NEURL2: variants seen among roughly 807,000 people sequenced by gnomAD.
NEURL2 encodes the protein neuralized-like protein 2.
In NEURL2, 16 loss-of-function variants were observed where a neutral mutation model predicts 15.9. The ratio of observed to expected loss-of-function variants is 1.01; its 90% CI spans 0.68 to 1.53. The LOEUF (loss-of-function observed/expected upper bound fraction) is 1.53. NEURL2 is among the 40% of genes most tolerant of loss of function. The probability of loss-of-function intolerance (pLI) is 0.00; values close to 1 mark genes in which losing one functional copy is unlikely to be tolerated. For synonymous variants in NEURL2, 188 were observed against 178.3 expected (o/e 1.05, Z -0.43); for missense variants, 393 against 407.8 (o/e 0.96, Z 0.31).
chr20:45,891,198 C>T lies in NEURL2; in HGVS notation c.-207G>A. The T allele has an allele frequency of 9.2e-7, 1 of 1,092,294 alleles. No homozygotes were observed. The highest frequency in any genetic ancestry group is 1.4e-6 in the Non-Finnish European group (1 of 739,228). The allele number at this position is 1,092,294 out of a possible 1,614,324, so 67.7% of individuals were successfully genotyped here. The stretch of plus-strand genomic sequence containing the variant: ...GATCATCTGATCGCGTGCGCCCGGG[C>T]TACGATCTGCGAGGCCCGCGGACCT... On this transcript the variant is annotated 5_prime_UTR_variant, in exon 1 of 2. Coordinates refer to ENST00000372518, the MANE Select transcript of NEURL2 (RefSeq NM_080749.4). This position sits in a 1 kb window ranked among gnomAD's most constrained non-coding sequence, Gnocchi z 4.6.
At chr20:45,890,188 A>G (rs1684487229) in intron 1 of NEURL2, 62 bp downstream of exon 1, 1 of 1,591,812 alleles carries the variant, frequency 6.3e-7, no homozygotes, top group Non-Finnish European at 8.6e-7. Flanking sequence ...TGGGCTACGG[A>G]GCCCTAGTAG....
chr20:45,888,697 A>G lies in NEURL2; in HGVS notation c.*61T>C. The stretch of plus-strand genomic sequence containing the variant: ...CTGGCAGCAATGTGGCCAACTTCGG[A>G]CCAGCCAGCCACAGGTCTGGGGCTC... On this transcript the variant is annotated 3_prime_UTR_variant, in exon 2 of 2. Transcript: ENST00000372518. 1 of 1,567,804 alleles carries G rather than the reference A, an allele frequency of 6.4e-7. No homozygotes were observed. Among genetic ancestry groups the G allele is most frequent in the Non-Finnish European group, 8.7e-7 (1 of 1,144,774 alleles).
Position 45,890,950 on chromosome 20 carries a change from C to A in NEURL2, c.42G>T (p.Trp14Cys). The A allele has an allele frequency of 6.6e-7, 1 of 1,513,384 alleles. No individual in the cohort carries two copies. Among genetic ancestry groups the A allele is most frequent in the African/African-American group, 1.4e-5 (1 of 72,376 alleles). The allele number at this position is 1,513,384 out of a possible 1,614,324, so 93.7% of individuals were successfully genotyped here. The stretch of plus-strand genomic sequence containing the variant: ...GAGGGGGCTCCGGGCGCTCGAGTCC[C>A]CAGAGTGCACCCGAATCCACGGGCT... ...ASEPVDSGAL[W>C]GLERPEPPPT... Residue 14 changes from tryptophan (W) to cysteine (C), a missense_variant, in exon 1 of 2, where the codon TGG (tryptophan) becomes TGT (cysteine). Trp to Cys is a radical substitution (Grantham distance 215). Transcript: ENST00000372518.
chr20:45,890,085 T>A, intron 1 of NEURL2, 165 bp downstream of exon 1: 1 of 711,920 alleles, frequency 1.4e-6, no homozygotes, highest in Non-Finnish European at 2.3e-6. Flanking sequence ...CAAAACCATG[T>A]AGAGGCTTGT....
Position 45,891,089 on chromosome 20 carries a change from T to A in NEURL2, c.-98A>T. ...GCGACCTTGTAAGGCATTTCCCCCC[T>A]GACTCCCTTCCCCGAGCCTCTGCCC... On this transcript the variant is annotated 5_prime_UTR_variant, in exon 1 of 2. Coordinates refer to ENST00000372518, the MANE Select transcript of NEURL2 (RefSeq NM_080749.4). This position sits in a 1 kb window ranked among gnomAD's most constrained non-coding sequence, Gnocchi z 4.6. 7.8e-7 allele frequency: 1 copy of A among 1,282,142 alleles called. No individual in the cohort carries two copies. The highest frequency in any genetic ancestry group is 1.1e-6 in the Non-Finnish European group (1 of 950,714). 79.4% of individuals were successfully genotyped at this position (1,282,142 alleles called of 1,614,324 possible).
At position 45,888,733 on chromosome 20, in the gene NEURL2, C is replaced by T. The variant is rs1366615996; in HGVS notation, c.*25G>A. ...ACAGGTCTGGGGCTCCAGGATGCAG[C>T]TGTGCTCTGGTGCACTGTGGGTCTT... On this transcript the variant is annotated 3_prime_UTR_variant, in exon 2 of 2. Transcript: ENST00000372518. 7 of 1,612,834 alleles carry T rather than the reference C, an allele frequency of 4.3e-6. No individual in the cohort carries two copies. Among genetic ancestry groups the T allele is most frequent in the Non-Finnish European group, 5.9e-6 (7 of 1,179,482 alleles).
At position 45,891,091 on chromosome 20, in the gene NEURL2, A is replaced by T. The variant is rs1428108038; in HGVS notation, c.-100T>A. The T allele has an allele frequency of 1.6e-6, 2 of 1,274,904 alleles. No individual in the cohort carries two copies. Among genetic ancestry groups the T allele is most frequent in the Non-Finnish European group, 2.1e-6 (2 of 945,536 alleles). 79.0% of individuals were successfully genotyped at this position (1,274,904 alleles called of 1,614,324 possible). On this transcript the variant is annotated 5_prime_UTR_variant, in exon 1 of 2. Transcript: ENST00000372518. This position sits in a 1 kb window ranked among gnomAD's most constrained non-coding sequence, Gnocchi z 4.6. ...GACCTTGTAAGGCATTTCCCCCCTG[A>T]CTCCCTTCCCCGAGCCTCTGCCCGG...
At position 45,888,799 on chromosome 20, in the gene NEURL2, G is replaced by A. The variant is rs745706286; in HGVS notation, c.817C>T (p.His273Tyr). 1 of 1,614,108 alleles carries A rather than the reference G, an allele frequency of 6.2e-7. No individual in the cohort carries two copies. The highest frequency in any genetic ancestry group is 1.1e-5 in the South Asian group (1 of 91,082). Residue 273 changes from histidine to tyrosine, a missense_variant, in exon 2 of 2, where the codon CAC (histidine) becomes TAC (tyrosine). Transcript: ENST00000372518. ...MVHRLAIDGL[H>Y]LPKELKDFCK... ...AAATCCTTAAGTTCTTTGGGCAGGT[G>A]GAGCCCATCAATGGCCAGCCGGTGC...
chr20:45,890,727 C>T lies in NEURL2; in HGVS notation c.265G>A (p.Asp89Asn). 2.5e-6 allele frequency: 4 copies of T among 1,613,364 alleles called. No individual in the cohort carries two copies. The highest frequency in any genetic ancestry group is 3.4e-6 in the Non-Finnish European group (4 of 1,179,840). ...GGAACGGGGGCCAGACTGGCGGGGT[C>T]CAGCGCGGTCAGACCGAGACGCAGA... ...GHLRLGLTAL[D>N]PASLAPVPEF... Residue 89 changes from aspartate to asparagine, a missense_variant, in exon 1 of 2, where the codon GAC becomes AAC. Asp to Asn is a conservative substitution (Grantham distance 23). Transcript: ENST00000372518.
chr20:45,890,288 G>A lies in NEURL2; in HGVS notation c.704C>T (p.Ser235Phe), dbSNP rs2145809105. 1.9e-6 allele frequency: 3 copies of A among 1,613,606 alleles called. No homozygotes were observed. The highest frequency in any genetic ancestry group is 2.5e-6 in the Non-Finnish European group (3 of 1,180,040). The stretch of plus-strand genomic sequence containing the variant: ...CTGGACAAGGCGCACGCTCTTTGTG[G>A]AAGCAAACACGTCCACCACCGCGTA... ...PLYAVVDVFA[S>F]TKSVRLVQLE... The change falls in exon 1 of 2, where the codon TCC becomes TTC. Residue 235 changes from serine to phenylalanine, a missense_variant. Physicochemically the swap from Ser to Phe is radical, Grantham distance 155 (BLOSUM62 -2). Transcript: ENST00000372518.
intron 1 of NEURL2, among the ~76,000 whole-genome samples, chr20:45,889,353 CTTTCT>C (rs1398400436): frequency 2.1e-5 from 3 of 145,100 alleles, no homozygotes; most frequent in African/African-American, 8.3e-5. Context: ...TCTTTCTTTT[CTTTCT>C]TTTTTTTTTT....
In NEURL2 at chr20:45,890,734, G is replaced by A. The variant is rs147644955; in HGVS notation, c.258C>T (p.Thr86=). ...GGGCCAGACTGGCGGGGTCCAGCGC[G>A]GTCAGACCGAGACGCAGATGTCCGC... ...GWCGHLRLGL[T]ALDPASLAPV... The change falls in exon 1 of 2, where the codon ACC becomes ACT. Residue 86 remains threonine (T), a synonymous_variant. Transcript: ENST00000372518. The A allele has an allele frequency of 1.5e-4, 234 of 1,613,304 alleles. No individual in the cohort carries two copies. In the African/African-American group the frequency reaches 3.0e-3, roughly 21 times the overall value.
Position 45,888,717 on chromosome 20 carries a change from G to C in NEURL2, c.*41C>G. 2 of 1,606,406 alleles carry C rather than the reference G, an allele frequency of 1.2e-6. No individual in the cohort carries two copies. The highest frequency in any genetic ancestry group is 1.7e-6 in the Non-Finnish European group (2 of 1,174,884). ...TTCGGACCAGCCAGCCACAGGTCTGGGGCTCCAGGATGCAGCTGTGCTCTG... is the reference window on the plus strand; with the variant it reads ...TTCGGACCAGCCAGCCACAGGTCTGCGGCTCCAGGATGCAGCTGTGCTCTG... On this transcript the variant is annotated 3_prime_UTR_variant, in exon 2 of 2. Coordinates refer to ENST00000372518, the MANE Select transcript of NEURL2 (RefSeq NM_080749.4).
In NEURL2 at chr20:45,890,445, G is replaced by T; in HGVS notation, c.547C>A (p.Pro183Thr). 1 of 1,608,384 alleles carries T rather than the reference G, an allele frequency of 6.2e-7. No homozygotes were observed. The highest frequency in any genetic ancestry group is 8.5e-7 in the Non-Finnish European group (1 of 1,177,370). The change falls in exon 1 of 2, where the codon CCG becomes ACG. Residue 183 changes from proline to threonine, a missense_variant. By Grantham distance (38) the Pro-to-Thr change is conservative (BLOSUM62 -1). Transcript: ENST00000372518. ...DQLYELNVLP[P>T]TARRSRLGVL... ...CCCAGGCGGCTACGGCGCGCGGTCG[G>T]AGGCAGCACGTTCAGCTCATAGAGC...
chr20:45,890,736 T>G lies in NEURL2; in HGVS notation c.256A>C (p.Thr86Pro). ...GCCAGACTGGCGGGGTCCAGCGCGG[T>G]CAGACCGAGACGCAGATGTCCGCAC... ...GWCGHLRLGL[T>P]ALDPASLAPV... The change falls in exon 1 of 2, where the codon ACC becomes CCC. Residue 86 changes from threonine to proline, a missense_variant. Physicochemically the swap from Thr to Pro is conservative, Grantham distance 38 (BLOSUM62 -1). Transcript: ENST00000372518. The G allele has an allele frequency of 6.2e-7, 1 of 1,612,904 alleles. No homozygotes were observed. Among genetic ancestry groups the G allele is most frequent in the Non-Finnish European group, 8.5e-7 (1 of 1,179,704 alleles).
Position 45,888,654 on chromosome 20 carries a change from G to C in NEURL2, c.*104C>G. ...AGTGATCAAGATGTCAGCATCGGCT[G>C]TTTATTTCTGGTCTTGGCTGGCAGC... On this transcript the variant is annotated 3_prime_UTR_variant, in exon 2 of 2. Coordinates refer to ENST00000372518, the MANE Select transcript of NEURL2 (RefSeq NM_080749.4). The C allele has an allele frequency of 9.1e-7, 1 of 1,094,756 alleles. No homozygotes were observed. Among genetic ancestry groups the C allele is most frequent in the South Asian group, 1.4e-5 (1 of 70,122 alleles). The allele number at this position is 1,094,756 out of a possible 1,614,324, so 67.8% of individuals were successfully genotyped here. A position where few individuals can be genotyped will look rare whatever the true frequency, so the allele number is the denominator to read the frequency against.
At chr20:45,888,953 T>A in intron 1 of NEURL2, 80 bp from the exon 2 acceptor site, 10 of 1,549,056 alleles carry the variant, frequency 6.5e-6, no homozygotes, top group Non-Finnish European at 8.8e-6. Context: ...TAGGTCATGG[T>A]CCCCACTTTG....
Position 45,888,815 on chromosome 20 carries a change from C to T in NEURL2, c.801G>A (p.Leu267=). ...TGGGCAGGTGGAGCCCATCAATGGCCAGCCGGTGCACCATGCTCCTTTGTA... is the reference window on the plus strand; with the variant it reads ...TGGGCAGGTGGAGCCCATCAATGGCTAGCCGGTGCACCATGCTCCTTTGTA... ...LVIQRSMVHR[L]AIDGLHLPKE... The change falls in exon 2 of 2, where the codon CTG becomes CTA. Residue 267 remains leucine (L), a synonymous_variant. Transcript: ENST00000372518. 3.1e-6 allele frequency: 5 copies of T among 1,614,130 alleles called. No individual in the cohort carries two copies. The highest frequency in any genetic ancestry group is 2.2e-5 in the South Asian group (2 of 91,080).
In NEURL2 at chr20:45,890,254, A is replaced by G. The variant is rs746300418; in HGVS notation, c.738T>C (p.Tyr246=). Residue 246 remains tyrosine, a synonymous_variant, in exon 1 of 2, where the codon TAT becomes TAC. Coordinates refer to ENST00000372518, the MANE Select transcript of NEURL2 (RefSeq NM_080749.4). The stretch of plus-strand genomic sequence containing the variant: ...TCGCTGCCCAGGGATACCTACAGCC[A>G]TACTCGAGCTGGACAAGGCGCACGC... ...TKSVRLVQLE[Y]GLPSLQTLCR... 4.3e-6 allele frequency: 7 copies of G among 1,613,750 alleles called. No homozygotes were observed. The highest frequency in any genetic ancestry group is 1.6e-4 in the Middle Eastern group (1 of 6,084).
Sources: gnomAD v4.1 joint callset for allele counts (sites outside exome capture counted in the v4.1 genomes callset) on GRCh38, gnomAD v4.1.1 for gene constraint, Gnocchi (gnomAD v3.1) non-coding constraint, MANE v1.5 for transcripts, NCBI Gene and HGNC (gene_info 2026-07-23, HGNC 2026-07-21) for gene names.